USP28: variants seen among roughly 807,000 people sequenced by gnomAD.
The protein encoded by USP28 is ubiquitin carboxyl-terminal hydrolase 28.
Under a neutral mutation model 145.0 loss-of-function variants are expected in USP28, and 113 were observed. That is an observed-to-expected ratio of 0.78 (90% CI 0.67 to 0.91). USP28 has a LOEUF of 0.91. USP28 is among the 40% of genes least tolerant of loss of function. The probability of loss-of-function intolerance (pLI) is 0.00; values close to 1 mark genes in which losing one functional copy is unlikely to be tolerated. For missense variants in USP28, 1,201 were observed against 1,289.6 expected, an observed-to-expected ratio of 0.93 and a Z score of 1.05; for synonymous variants, 447 against 450.9, an observed-to-expected ratio of 0.99 and a Z score of 0.11.
intron 1 of USP28, among the ~76,000 whole-genome samples, chr11:113,864,413 C>G (rs1035289712): frequency 6.6e-6 from 1 of 152,072 alleles, no homozygotes; most frequent in Non-Finnish European, 1.5e-5. Flanking sequence ...CACATGACTG[C>G]GGAGACTGAG....
intron 11 of USP28, among the ~76,000 whole-genome samples, chr11:113,826,493 G>C (rs1194772176): frequency 6.6e-6 from 1 of 150,738 alleles, no homozygotes; most frequent in Non-Finnish European, 1.5e-5. Context: ...TTTTTTAAGA[G>C]ACAGGGTTTT....
At chr11:113,829,047 T>C in intron 10 of USP28, 150 bp downstream of exon 10, 1 of 988,958 alleles carries the variant, frequency 1.0e-6, no homozygotes, top group South Asian at 1.4e-5. Context: ...ACTCACTGAC[T>C]CACATCAACT....
chr11:113,868,480 G>A (rs1244693845), intron 1 of USP28, among the ~76,000 whole-genome samples: 1 of 152,152 alleles, frequency 6.6e-6, no homozygotes, highest in Admixed American at 6.6e-5. Flanking sequence ...AGAAAGGCTT[G>A]TACTAAAGTC....
At chr11:113,868,505 C>T (rs1233365596) in intron 1 of USP28, among the ~76,000 whole-genome samples, 2 of 152,148 alleles carry the variant, frequency 1.3e-5, no homozygotes, top group African/African-American at 4.8e-5. Context: ...AAATGTTATG[C>T]TTCAAGTCAG....
chr11:113,831,116 C>T (rs1943938151), intron 8 of USP28, 173 bp from the exon 9 acceptor site: 1 of 621,990 alleles, frequency 1.6e-6, no homozygotes, highest in Admixed American at 2.7e-5. Flanking sequence ...TGAACACCTT[C>T]TTTCGAGCAT....
At chr11:113,803,959 C>T in intron 21 of USP28, 82 bp from the exon 23 acceptor site, 2 of 1,254,794 alleles carry the variant, frequency 1.6e-6, no homozygotes, top group Non-Finnish European at 2.3e-6. Context: ...AAATTCATTA[C>T]AAATATTTAC....
intron 5 of USP28, among the ~76,000 whole-genome samples, chr11:113,836,126 T>G (rs918084039): frequency 1.3e-5 from 2 of 152,116 alleles, no homozygotes; most frequent in African/African-American, 2.4e-5. Context: ...AAGTGTGAGC[T>G]AATACTATTC....
intron 18 of USP28, 101 bp from the exon 20 acceptor site, chr11:113,806,685 A>G: frequency 3.9e-6 from 3 of 775,892 alleles, no homozygotes; most frequent in Non-Finnish European, 6.0e-6. Flanking sequence ...AGGGCAGCAG[A>G]GCAGTGTGCT....
chr11:113,812,768 A>C (rs1941198693), intron 15 of USP28, among the ~76,000 whole-genome samples: 1 of 152,156 alleles, frequency 6.6e-6, no homozygotes, highest in African/African-American at 2.4e-5. Context: ...TCTAAAACCA[A>C]ACATAACCTA....
intron 6 of USP28, among the ~76,000 whole-genome samples, 191 bp from the exon 7 acceptor site, chr11:113,833,748 A>G (rs3867472): frequency 0.01 from 1,540 of 152,320 alleles, 33 homozygotes; most frequent in African/African-American, 0.036. Context: ...AACTATGTAG[A>G]AGCCAGAGAC....
At chr11:113,865,358 C>G (rs916228141) in intron 1 of USP28, among the ~76,000 whole-genome samples, 1 of 152,104 alleles carries the variant, frequency 6.6e-6, no homozygotes, top group Admixed American at 6.6e-5. Flanking sequence ...CAAATTCACA[C>G]AGAATTTCAA....
At chr11:113,799,792 T>C (rs1347222933) in intron 24 of USP28, among the ~76,000 whole-genome samples, 1 of 152,172 alleles carries the variant, frequency 6.6e-6, no homozygotes, top group African/African-American at 2.4e-5. Flanking sequence ...TTGGCTTCCC[T>C]GGGCCACACA....
intron 5 of USP28, 101 bp downstream of exon 5, chr11:113,840,497 A>C: frequency 7.1e-7 from 1 of 1,415,586 alleles, no homozygotes; most frequent in Non-Finnish European, 9.5e-7. Flanking sequence ...CTAATTTTAA[A>C]TATCTATTTT....
At chr11:113,853,812 G>A (rs952412664) in intron 2 of USP28, among the ~76,000 whole-genome samples, 8 of 149,398 alleles carry the variant, frequency 5.4e-5, no homozygotes, top group Non-Finnish European at 8.9e-5. Flanking sequence ...GCGGGAGGGA[G>A]AGGCTGCAGT....
chr11:113,874,543 T>C (rs1240162795), intron 1 of USP28: 1 of 1,288,970 alleles, frequency 7.8e-7, no homozygotes, highest in Admixed American at 2.3e-5. Context: ...GCCAGCTTTG[T>C]ACGACAAATA....
intron 3 of USP28, among the ~76,000 whole-genome samples, chr11:113,842,931 T>C (rs1477893225): frequency 6.6e-6 from 1 of 152,180 alleles, no homozygotes; most frequent in Non-Finnish European, 1.5e-5. Flanking sequence ...CTGGAAGTTC[T>C]AGGCAGGCAA....
At chr11:113,827,634 A>G (rs1943531603) in intron 10 of USP28, among the ~76,000 whole-genome samples, 1 of 152,160 alleles carries the variant, frequency 6.6e-6, no homozygotes, top group African/African-American at 2.4e-5. Context: ...CTCAGAATAA[A>G]CCACCCTTGA....
chr11:113,853,621 T>C (rs1386054086), intron 2 of USP28, among the ~76,000 whole-genome samples: 8 of 152,256 alleles, frequency 5.3e-5, no homozygotes, highest in Admixed American at 5.2e-4. Context: ...ATGCCTGTAA[T>C]CCCAACACTG....
At chr11:113,827,976 A>T (rs1943564194) in intron 10 of USP28, among the ~76,000 whole-genome samples, 1 of 152,220 alleles carries the variant, frequency 6.6e-6, no homozygotes, top group Admixed American at 6.5e-5. Flanking sequence ...AAGCCAGTCA[A>T]ATCAACCTAC....
Sources: gnomAD v4.1 joint callset for allele counts (sites outside exome capture counted in the v4.1 genomes callset) on GRCh38, gnomAD v4.1.1 for gene constraint, MANE v1.5 for transcripts, NCBI Gene and HGNC (gene_info 2026-07-23, HGNC 2026-07-21) for gene names.